TXNDC9: variants seen among roughly 807,000 people sequenced by gnomAD.
TXNDC9 encodes thioredoxin domain containing 9.
In TXNDC9, 7 loss-of-function variants were observed where a neutral mutation model predicts 23.0. The ratio of observed to expected loss-of-function variants is 0.30; its 90% confidence interval spans 0.17 to 0.57. TXNDC9 has a LOEUF of 0.57. TXNDC9 is among the 20% of genes least tolerant of loss of function. The pLI, the probability that TXNDC9 is intolerant of heterozygous loss-of-function variation, is 0.90. For synonymous variants in TXNDC9, 72 were observed against 90.6 expected (o/e 0.79, Z 1.17); for missense variants, 198 against 252.6 (o/e 0.78, Z 1.47).
At chr2:99,312,740 G>A in the TXNDC9 span, among the ~76,000 whole-genome samples, 1 of 152,186 alleles carries the variant, frequency 6.6e-6, no homozygotes, top group South Asian at 2.1e-4. Context: ...AATCTTGAAA[G>A]AAGTTATCTG....
intron 3 of TXNDC9, among the ~76,000 whole-genome samples, chr2:99,323,224 C>T (rs1056987952): frequency 6.0e-5 from 9 of 151,166 alleles, no homozygotes; most frequent in African/African-American, 9.7e-5. Context: ...TTAGCCAACA[C>T]GGTGAAACCC....
At position 99,324,047 on chromosome 2, in the gene TXNDC9, T is replaced by C. The variant is rs1337783549; in HGVS notation, c.309-1838A>G. ...TTTTAGTAGCGATGGGGTTTCACCATGTTGACTAGGCTGGTCTTGAACTGC... is the reference window on the plus strand; with the variant it reads ...TTTTAGTAGCGATGGGGTTTCACCACGTTGACTAGGCTGGTCTTGAACTGC... On this transcript the variant is annotated intron_variant, in intron 3 of 4. Coordinates refer to ENST00000264255, the MANE Select transcript of TXNDC9 (RefSeq NM_005783.4). Among the ~76,000 whole-genome samples the C allele has an allele frequency of 7.9e-5, 12 of 152,154 alleles. No individual in the cohort carries two copies. The East Asian group carries it at 1.4e-3, about 17-fold the overall frequency.
At chr2:99,331,527 G>GA (rs1189796822) in intron 2 of TXNDC9, among the ~76,000 whole-genome samples, 1 of 145,854 alleles carries the variant, frequency 6.9e-6, no homozygotes, top group Admixed American at 6.8e-5. Flanking sequence ...AAAAAAAAAA[G>GA]AAAGAAAAGA....
At chr2:99,329,693 C>T (rs1036899726) in intron 2 of TXNDC9, among the ~76,000 whole-genome samples, 5 of 152,134 alleles carry the variant, frequency 3.3e-5, no homozygotes, top group South Asian at 2.1e-4. Flanking sequence ...TTAGGCTGGA[C>T]GCAGTGGCTC....
intron 1 of TXNDC9, among the ~76,000 whole-genome samples, chr2:99,334,409 A>G (rs986281903): frequency 3.4e-4 from 51 of 152,218 alleles, no homozygotes; most frequent in African/African-American, 1.2e-3. Context: ...TGAGAAATGC[A>G]TCATTAGGTG....
intron 2 of TXNDC9, among the ~76,000 whole-genome samples, chr2:99,331,189 A>T (rs2094224582): frequency 6.6e-6 from 1 of 152,238 alleles, no homozygotes; most frequent in African/African-American, 2.4e-5. Context: ...TGACTATGAA[A>T]TATGAGTTTG....
At chr2:99,320,875 C>T (rs1432396047) in intron 4 of TXNDC9, among the ~76,000 whole-genome samples, 5 of 151,986 alleles carry the variant, frequency 3.3e-5, no homozygotes, top group South Asian at 2.1e-4. Context: ...AATGAGGATT[C>T]GTTGTACTAG....
the TXNDC9 span, among the ~76,000 whole-genome samples, chr2:99,308,643 A>G: frequency 2.0e-5 from 3 of 152,022 alleles, no homozygotes; most frequent in African/African-American, 7.3e-5. Context: ...TAACAAGAGG[A>G]GGATGAGTAC....
intron 1 of TXNDC9, among the ~76,000 whole-genome samples, chr2:99,333,948 G>A (rs965517352): frequency 2.6e-5 from 4 of 152,098 alleles, no homozygotes; most frequent in Admixed American, 6.6e-5. Flanking sequence ...TAAATTTTGG[G>A]TTTTTTTCCA....
At chr2:99,327,266 T>G (rs1345409502) in intron 3 of TXNDC9, among the ~76,000 whole-genome samples, 3 of 152,130 alleles carry the variant, frequency 2.0e-5, no homozygotes, top group Non-Finnish European at 4.4e-5. Context: ...GAGGCAGGGT[T>G]TCGCCATGTT....
At chr2:99,330,657 G>C (rs567206620) in intron 2 of TXNDC9, among the ~76,000 whole-genome samples, 112 of 152,276 alleles carry the variant, frequency 7.4e-4, no homozygotes, top group African/African-American at 2.5e-3. Flanking sequence ...ACCTAAGTGT[G>C]CCAGCTCTAG....
At chr2:99,316,096 T>C (rs2094188261), downstream of TXNDC9, among the ~76,000 whole-genome samples, 1 of 146,814 alleles carries the variant, frequency 6.8e-6, no homozygotes, top group South Asian at 2.2e-4. Context: ...ACTCATAAAA[T>C]AAAGCTTTGC....
At chr2:99,330,300 A>AAAAAAAAAAC (rs2094221868) in intron 2 of TXNDC9, among the ~76,000 whole-genome samples, 1 of 145,746 alleles carries the variant, frequency 6.9e-6, no homozygotes, top group Non-Finnish European at 1.5e-5. Context: ...CAAAAAAAAA[A>AAAAAAAAAAC]AAAAAAAAAA....
the TXNDC9 span, among the ~76,000 whole-genome samples, chr2:99,308,636 CAAG>C: frequency 2.0e-5 from 3 of 151,662 alleles, no homozygotes; most frequent in Non-Finnish European, 4.4e-5. Flanking sequence ...ATTAGAATAA[CAAG>C]AGGAGGATGA....
At chr2:99,311,090 A>G in the TXNDC9 span, among the ~76,000 whole-genome samples, 1 of 152,204 alleles carries the variant, frequency 6.6e-6, no homozygotes, top group South Asian at 2.1e-4. Context: ...CAGTGGCACA[A>G]TCATAGTTCA....
chr2:99,327,691 T>C, intron 2 of TXNDC9, 38 bp from the exon 3 acceptor site: 1 of 1,298,992 alleles, frequency 7.7e-7, no homozygotes, highest in South Asian at 1.2e-5. Context: ...ACATGTGAGA[T>C]ATCTCTTTCA....
the TXNDC9 span, among the ~76,000 whole-genome samples, chr2:99,313,417 T>C: frequency 0.011 from 1,674 of 152,256 alleles, 9 homozygotes; most frequent in Middle Eastern, 0.024. Flanking sequence ...TGGTGATATA[T>C]AGTGATAGGG....
chr2:99,327,315 A>T (rs1389940135), intron 3 of TXNDC9, among the ~76,000 whole-genome samples: 1 of 151,546 alleles, frequency 6.6e-6, no homozygotes, highest in African/African-American at 2.4e-5. Context: ...CAAGTGATCC[A>T]CCCCCCACTT....
At chr2:99,313,599 G>A in the TXNDC9 span, among the ~76,000 whole-genome samples, 1 of 152,224 alleles carries the variant, frequency 6.6e-6, no homozygotes. Context: ...GACCACCACT[G>A]CACTCCAGCT....
Sources: allele counts gnomAD v4.1 joint callset (sites outside exome capture counted in the v4.1 genomes callset), GRCh38; gene constraint gnomAD v4.1.1; transcripts MANE v1.5; gene names NCBI Gene and HGNC (gene_info 2026-07-23, HGNC 2026-07-21).